The following CYP4Z1 variants were observed in gnomAD, a reference collection of about 807,000 sequenced individuals.
CYP4Z1 encodes cytochrome P450 family 4 subfamily Z member 1.
CYP4Z1 carries 41 observed loss-of-function variants against 54.2 expected under a neutral mutation model. The observed-to-expected ratio is 0.76, with a 90% confidence interval of 0.59 to 0.98. The LOEUF is 0.98. Among genes scored for constraint, CYP4Z1 ranks in the 50% least tolerant of loss-of-function variants. The pLI, the probability that CYP4Z1 is intolerant of heterozygous loss-of-function variation, is 0.00. For synonymous variants in CYP4Z1, 163 were observed against 206.2 expected (o/e 0.79, Z 1.79); for missense variants, 513 against 599.0 (o/e 0.86, Z 1.50).
chr1:47,068,278 A>G (rs977318328), intron 1 of CYP4Z1, among the ~76,000 whole-genome samples: 6 of 152,286 alleles, frequency 3.9e-5, no homozygotes, highest in Admixed American at 2.6e-4. Flanking sequence ...AGCTTTGTAA[A>G]ATATATTTGG....
chr1:47,116,738 G>A lies in CYP4Z1; in HGVS notation c.1349+6G>A. The A allele has an allele frequency of 1.3e-6, 2 of 1,598,180 alleles. No individual in the cohort carries two copies. The highest frequency in any genetic ancestry group is 1.1e-5 in the South Asian group (1 of 89,508). ...CCATTCTCAGCTGGATTAAGGTAAAGACTCAAGCTGGTGAACTTGATGGAA... is the reference window on the plus strand; with the variant it reads ...CCATTCTCAGCTGGATTAAGGTAAAAACTCAAGCTGGTGAACTTGATGGAA... On this transcript the variant is annotated splice_donor_region_variant and intron_variant, in intron 11 of 11. Coordinates refer to ENST00000334194, the MANE Select transcript of CYP4Z1 (RefSeq NM_178134.3).
the CYP4Z1 span, among the ~76,000 whole-genome samples, chr1:47,056,553 C>T: frequency 6.6e-6 from 1 of 152,172 alleles, no homozygotes; most frequent in Non-Finnish European, 1.5e-5. Flanking sequence ...GTGTGGGAGT[C>T]TAAGTCTCTT....
At chr1:47,098,149 A>T (rs1644692327) in intron 7 of CYP4Z1, among the ~76,000 whole-genome samples, 1 of 152,188 alleles carries the variant, frequency 6.6e-6, no homozygotes, top group African/African-American at 2.4e-5. Context: ...TTCTAATTCT[A>T]TGAAGAATCT....
chr1:47,087,264 G>C (rs929747677), intron 6 of CYP4Z1, among the ~76,000 whole-genome samples: 14 of 152,092 alleles, frequency 9.2e-5, no homozygotes, highest in African/African-American at 2.9e-4. Context: ...GGATGGCATT[G>C]AATGTATAAA....
upstream of CYP4Z1, among the ~76,000 whole-genome samples, chr1:47,066,896 A>G (rs1644454160): frequency 6.6e-6 from 1 of 152,104 alleles, no homozygotes; most frequent in Admixed American, 6.5e-5. Context: ...AGAAAAAAAA[A>G]AAACTTAGGT....
chr1:47,099,916 G>A (rs755428140), intron 8 of CYP4Z1, among the ~76,000 whole-genome samples: 1 of 152,090 alleles, frequency 6.6e-6, no homozygotes, highest in South Asian at 2.1e-4. Context: ...TGCAACCCTG[G>A]TTTAAAAGAA....
Position 47,115,685 on chromosome 1 carries a change from C to T in CYP4Z1, c.1266+92C>T, listed in dbSNP as rs942568092. ...ACAGTTGAGAGAGCAGTTAGGATAA[C>T]GATCTGTCATTTAGAAAAGAACAAA... On this transcript the variant is annotated intron_variant, in intron 10 of 11. Coordinates refer to ENST00000334194, the MANE Select transcript of CYP4Z1 (RefSeq NM_178134.3). 5.5e-5 allele frequency: 67 copies of T among 1,209,706 alleles called. No individual in the cohort carries two copies. The Admixed American group carries it at 8.0e-4, about 14-fold the overall frequency. 74.9% of individuals were successfully genotyped at this position (1,209,706 alleles called of 1,614,324 possible).
chr1:47,103,011 C>A (rs1300491176), intron 8 of CYP4Z1, among the ~76,000 whole-genome samples: 1 of 152,012 alleles, frequency 6.6e-6, no homozygotes, highest in African/African-American at 2.4e-5. Flanking sequence ...AGGCTCTGCT[C>A]ATTCTTTTTT....
chr1:47,073,882 T>C (rs1370844898), intron 2 of CYP4Z1, among the ~76,000 whole-genome samples: 1 of 152,260 alleles, frequency 6.6e-6, no homozygotes, highest in Non-Finnish European at 1.5e-5. Context: ...AAACATTTTC[T>C]ATTATTTTGT....
chr1:47,105,485 G>C (rs956197174), intron 8 of CYP4Z1, among the ~76,000 whole-genome samples: 1 of 152,148 alleles, frequency 6.6e-6, no homozygotes, highest in African/African-American at 2.4e-5. Context: ...TGGTGGGAAC[G>C]TGGATCACTG....
intron 9 of CYP4Z1, among the ~76,000 whole-genome samples, chr1:47,114,604 A>C (rs1186229329): frequency 6.8e-6 from 1 of 146,100 alleles, no homozygotes; most frequent in African/African-American, 2.5e-5. Context: ...TACAAGAAAA[A>C]AACAAACAAC....
the CYP4Z1 span, among the ~76,000 whole-genome samples, chr1:47,061,617 G>T: frequency 6.6e-6 from 1 of 152,166 alleles, no homozygotes; most frequent in Non-Finnish European, 1.5e-5. Context: ...AGAAGAACTG[G>T]TAGCATTCCT....
At chr1:47,062,836 T>C (rs1172772282), upstream of CYP4Z1, among the ~76,000 whole-genome samples, 2 of 152,142 alleles carry the variant, frequency 1.3e-5, no homozygotes, top group Non-Finnish European at 2.9e-5. Context: ...CCTGAATACA[T>C]AACCAGGTGT....
At chr1:47,057,746 A>G in the CYP4Z1 span, among the ~76,000 whole-genome samples, 1 of 152,056 alleles carries the variant, frequency 6.6e-6, no homozygotes, top group South Asian at 2.1e-4. Flanking sequence ...ATTTGTAAAT[A>G]TTTATAATCA....
chr1:47,115,104 T>G (rs1644820363), intron 9 of CYP4Z1, among the ~76,000 whole-genome samples: 1 of 152,190 alleles, frequency 6.6e-6, no homozygotes, highest in African/African-American at 2.4e-5. Context: ...CACTATGGAA[T>G]ACTATGCAGC....
chr1:47,077,616 A>G (rs1644534768), intron 2 of CYP4Z1, among the ~76,000 whole-genome samples: 4 of 151,416 alleles, frequency 2.6e-5, no homozygotes, highest in South Asian at 2.1e-4. Flanking sequence ...TTTGTTTTTT[A>G]TATGTCTTAT....
rs368560647 is a variant in CYP4Z1 at position 47,086,380 on chromosome 1, G to A, written c.772+1402G>A. On this transcript the variant is annotated intron_variant, in intron 6 of 11. Transcript: ENST00000334194. Reference sequence around the variant, plus strand: ...GTTGTTTCCTGACTTTTTAATGATCGCCTTTCTAACTGGTGTGAGATGGTA... The same window carrying A: ...GTTGTTTCCTGACTTTTTAATGATCACCTTTCTAACTGGTGTGAGATGGTA... Among the ~76,000 whole-genome samples, 654 of 152,020 alleles carry A rather than the reference G, an allele frequency of 4.3e-3. 26 individuals carry two copies. In the East Asian group the frequency reaches 0.084, roughly 20 times the overall value.
chr1:47,076,579 C>A (rs1189188960), intron 2 of CYP4Z1, among the ~76,000 whole-genome samples: 2 of 152,052 alleles, frequency 1.3e-5, no homozygotes, highest in African/African-American at 2.4e-5. Flanking sequence ...GGCATGGTGG[C>A]TCACGCCTGT....
Position 47,067,663 on chromosome 1 carries a change from A to T in CYP4Z1, c.173A>T (p.Lys58Met). The T allele has an allele frequency of 1.3e-6, 2 of 1,594,384 alleles. No individual in the cohort carries two copies. The highest frequency in any genetic ancestry group is 1.7e-4 in the Middle Eastern group (1 of 5,950). Residue 58 changes from lysine (K) to methionine (M), a missense_variant, in exon 1 of 12, where the codon AAG (lysine) becomes ATG (methionine). Transcript: ENST00000334194. ...CCTGCCCACTGGTTCTATGGCCACAAGGAGGTAAGAGGAGAAAATTAGTTG... is the reference window on the plus strand; with the variant it reads ...CCTGCCCACTGGTTCTATGGCCACATGGAGGTAAGAGGAGAAAATTAGTTG... ...APPAHWFYGH[K>M]EFYPVKEFEV... is the part of the protein sequence containing the mutation.
Sources: gnomAD v4.1 joint callset for allele counts (sites outside exome capture counted in the v4.1 genomes callset) on GRCh38, gnomAD v4.1.1 for gene constraint, MANE v1.5 for transcripts, NCBI Gene and HGNC (gene_info 2026-07-23, HGNC 2026-07-21) for gene names.